Variants in GCNT2 observed in about 807,000 individuals in gnomAD.
GCNT2 encodes glucosaminyl (N-acetyl) transferase 2 (I blood group), also known as N-acetyllactosaminide beta-1,6-N-acetylglucosaminyl-transferase.
Under a neutral mutation model 34.2 loss-of-function variants are expected in GCNT2, and 34 were observed. That is an observed-to-expected ratio of 1.00 (90% CI 0.76 to 1.32). The LOEUF is 1.32. Ranked by LOEUF, GCNT2 falls within the 40% of genes most tolerant of loss-of-function variation. The pLI is 0.00. For synonymous variants in GCNT2, 212 were observed against 188.0 expected (o/e 1.13, Z -1.04); for missense variants, 584 against 489.4 (o/e 1.19, Z -1.82).
At chr6:10,558,776 T>C (rs922920341) in intron 3 of GCNT2, among the ~76,000 whole-genome samples, 1 of 152,230 alleles carries the variant, frequency 6.6e-6, no homozygotes, top group East Asian at 1.9e-4. Context: ...GGTGTTTGAA[T>C]CCCAGGGTGA....
chr6:10,608,917 A>G (rs911095439), intron 3 of GCNT2, among the ~76,000 whole-genome samples: 5 of 152,234 alleles, frequency 3.3e-5, no homozygotes, highest in African/African-American at 9.6e-5. Context: ...AGGGCCAGAC[A>G]ATGTAGGTGA....
At chr6:10,580,191 G>A (rs1319935529) in intron 3 of GCNT2, among the ~76,000 whole-genome samples, 1 of 151,856 alleles carries the variant, frequency 6.6e-6, no homozygotes, top group Non-Finnish European at 1.5e-5. Context: ...TAAAATTCAG[G>A]TTTCTCACTT....
chr6:10,528,097 A>C (rs1216380995), intron 2 of GCNT2, among the ~76,000 whole-genome samples: 1 of 152,144 alleles, frequency 6.6e-6, no homozygotes, highest in Non-Finnish European at 1.5e-5. Context: ...TTAAAAAAAG[A>C]AGTTAGCCTT....
chr6:10,582,268 TTAAA>T (rs1378534923), intron 3 of GCNT2, among the ~76,000 whole-genome samples: 2 of 112,240 alleles, frequency 1.8e-5, no homozygotes, highest in Non-Finnish European at 3.3e-5. Flanking sequence ...ATACTATATA[TTAAA>T]TATATAAATA....
intron 3 of GCNT2, among the ~76,000 whole-genome samples, chr6:10,570,688 G>C (rs571976357): frequency 5.0e-4 from 76 of 152,206 alleles, no homozygotes; most frequent in Admixed American, 2.2e-3. Context: ...AAGCTCTTTG[G>C]GGGGCCTACT....
chr6:10,535,554 G>T (rs1287807282), intron 3 of GCNT2, among the ~76,000 whole-genome samples: 1 of 152,180 alleles, frequency 6.6e-6, no homozygotes, highest in Non-Finnish European at 1.5e-5. Context: ...CCTCTGGGTT[G>T]GATGGCTCTG....
intron 3 of GCNT2, among the ~76,000 whole-genome samples, chr6:10,569,245 A>ACACACACACACACACACACACACACC (rs1763424886): frequency 7.0e-6 from 1 of 143,128 alleles, no homozygotes; most frequent in Non-Finnish European, 1.5e-5. Context: ...CCACACACAC[A>ACACACACACACACACACACACACACC]CACACACACA....
At chr6:10,541,279 C>T (rs555676070) in intron 3 of GCNT2, among the ~76,000 whole-genome samples, 2 of 152,300 alleles carry the variant, frequency 1.3e-5, no homozygotes, top group African/African-American at 4.8e-5. Flanking sequence ...TATTCTGTCT[C>T]TGCGTTACTT....
intron 3 of GCNT2, chr6:10,575,219 G>T: frequency 5.6e-6 from 2 of 357,046 alleles, no homozygotes; most frequent in Non-Finnish European, 1.1e-5. Flanking sequence ...TTTCCTTTGT[G>T]TTCGTCATCT....
chr6:10,555,926 G>C (rs750124165), intron 3 of GCNT2: 1 of 1,007,756 alleles, frequency 9.9e-7, no homozygotes, highest in African/African-American at 1.7e-5. Context: ...AACAACAAGA[G>C]AGGGCAAGTC....
At chr6:10,563,136 CAG>C (rs1763083815) in intron 3 of GCNT2, among the ~76,000 whole-genome samples, 1 of 152,050 alleles carries the variant, frequency 6.6e-6, no homozygotes, top group Non-Finnish European at 1.5e-5. Flanking sequence ...GCCTGGGCAA[CAG>C]AGTGAGACTC....
intron 3 of GCNT2, among the ~76,000 whole-genome samples, chr6:10,605,584 G>A (rs1180017664): frequency 6.6e-6 from 1 of 151,966 alleles, no homozygotes; most frequent in Admixed American, 6.6e-5. Context: ...CTGGGAGATG[G>A]GGCCCTGTCA....
intron 3 of GCNT2, among the ~76,000 whole-genome samples, chr6:10,580,727 A>G (rs1197439765): frequency 6.6e-6 from 1 of 152,156 alleles, no homozygotes; most frequent in African/African-American, 2.4e-5. Flanking sequence ...CCTGACCGGC[A>G]TCTGCCTCAG....
chr6:10,627,796 G>A lies in GCNT2; in HGVS notation c.*1189G>A, dbSNP rs1439629251. 1 of 152,098 alleles carries A rather than the reference G, an allele frequency of 6.6e-6. No individual in the cohort carries two copies. Among genetic ancestry groups the A allele is most frequent in the Non-Finnish European group, 1.5e-5 (1 of 68,018 alleles). 9.4% of individuals were successfully genotyped at this position (152,098 alleles called of 1,614,324 possible). On this transcript the variant is annotated 3_prime_UTR_variant, in exon 5 of 5. Coordinates refer to ENST00000495262, the MANE Select transcript of GCNT2 (RefSeq NM_145649.5). The stretch of plus-strand genomic sequence containing the variant: ...TGTAGTTTAATACAGGAACACACAG[G>A]GCTGTGTAGCATGATACCAGGCCCA...
intron 3 of GCNT2, among the ~76,000 whole-genome samples, chr6:10,591,858 C>G (rs1329118369): frequency 6.6e-6 from 1 of 152,210 alleles, no homozygotes; most frequent in Non-Finnish European, 1.5e-5. Context: ...CAACTGTAAA[C>G]ACTGAGCTAT....
At chr6:10,596,782 GACACGATGATATTTT>G (rs1764871433) in intron 3 of GCNT2, among the ~76,000 whole-genome samples, 1 of 150,644 alleles carries the variant, frequency 6.6e-6, no homozygotes, top group Admixed American at 6.6e-5. Context: ...ATATAGAATT[GACACGATGATATTTT>G]GCCTTCAGCC....
intron 3 of GCNT2, chr6:10,557,464 C>A: frequency 1.3e-6 from 1 of 755,452 alleles, no homozygotes; most frequent in Non-Finnish European, 2.3e-6. Context: ...AGTTCTCACC[C>A]TAGTCCTTTC....
At chr6:10,582,464 TATAATATATACTATA>T (rs1456934347) in intron 3 of GCNT2, among the ~76,000 whole-genome samples, 9 of 115,082 alleles carry the variant, frequency 7.8e-5, no homozygotes, top group African/African-American at 2.7e-4. Context: ...ATATAATAAA[TATAATATATACTATA>T]ATATATACTA....
At chr6:10,540,175 G>A (rs760392118) in intron 3 of GCNT2, among the ~76,000 whole-genome samples, 7 of 152,072 alleles carry the variant, frequency 4.6e-5, no homozygotes. Context: ...AATAAATTAG[G>A]TATGTGGCTG....
Sources: allele counts gnomAD v4.1 joint callset (sites outside exome capture counted in the v4.1 genomes callset), GRCh38; gene constraint gnomAD v4.1.1; transcripts MANE v1.5; gene names NCBI Gene and HGNC (gene_info 2026-07-23, HGNC 2026-07-21).